SATB2: variants seen among roughly 807,000 people sequenced by gnomAD.
SATB2 encodes the protein DNA-binding protein SATB2.
In SATB2, 1 loss-of-function variant was observed where a neutral mutation model predicts 73.4. That is an observed-to-expected ratio of 0.01 (90% CI 0.00 to 0.06). The LOEUF is 0.06. Among genes scored for constraint, SATB2 ranks in the 10% least tolerant of loss-of-function variants. SATB2 has a pLI of 1.00. For synonymous variants in SATB2, 397 were observed against 367.0 expected, an observed-to-expected ratio of 1.08 and a Z score of -0.93; for missense variants, 459 against 945.8, an observed-to-expected ratio of 0.49 and a Z score of 6.75.
chr2:199,461,682 C>T (rs1398045179), upstream of SATB2, among the ~76,000 whole-genome samples: 1 of 152,194 alleles, frequency 6.6e-6, no homozygotes, highest in Non-Finnish European at 1.5e-5. Context: ...CTTTTCTTCA[C>T]CCACCTCCCA....
At chr2:199,321,221 T>C (rs1193024436) in intron 9 of SATB2, among the ~76,000 whole-genome samples, 1 of 152,030 alleles carries the variant, frequency 6.6e-6, no homozygotes, top group Non-Finnish European at 1.5e-5. Context: ...AAGAGAGATA[T>C]ATAAGTCTAT....
Position 199,270,338 on chromosome 2 carries a change from T to A in SATB2, c.*1873A>T, listed in dbSNP as rs1469925332. 1 of 152,482 alleles carries A rather than the reference T, an allele frequency of 6.6e-6. No individual in the cohort carries two copies. The highest frequency in any genetic ancestry group is 6.5e-5 in the Admixed American group (1 of 15,268). 9.4% of individuals were successfully genotyped at this position (152,482 alleles called of 1,614,324 possible). ...TGTCTTCTCCCTGTATATTGTAAGT[T>A]CTGAGTTAATATCTACACATAGAGG... On this transcript the variant is annotated 3_prime_UTR_variant, in exon 11 of 11. Coordinates refer to ENST00000417098, the MANE Select transcript of SATB2 (RefSeq NM_001172509.2).
At chr2:199,287,641 T>A (rs557888094) in intron 10 of SATB2, among the ~76,000 whole-genome samples, 1 of 152,262 alleles carries the variant, frequency 6.6e-6, no homozygotes, top group South Asian at 2.1e-4. Context: ...ATAAATTATG[T>A]AAGCTTCACT....
intron 6 of SATB2, among the ~76,000 whole-genome samples, chr2:199,350,232 G>A (rs1169660566): frequency 6.6e-6 from 1 of 151,912 alleles, no homozygotes; most frequent in South Asian, 2.1e-4. Context: ...TAAGAAGCTA[G>A]AGATCAAACA....
Position 199,270,659 on chromosome 2 carries a change from T to A in SATB2, c.*1552A>T, listed in dbSNP as rs181632768. On this transcript the variant is annotated 3_prime_UTR_variant, in exon 11 of 11. Coordinates refer to ENST00000417098, the MANE Select transcript of SATB2 (RefSeq NM_001172509.2). Reference sequence around the variant, plus strand: ...AAAGTAATGCTTCTGGTGTTTCTCATAGGAAGCCGAAAGAGATCTGGAGTA... The same window carrying A: ...AAAGTAATGCTTCTGGTGTTTCTCAAAGGAAGCCGAAAGAGATCTGGAGTA... 1 of 152,314 alleles carries A rather than the reference T, an allele frequency of 6.6e-6. No homozygotes were observed. Among genetic ancestry groups the A allele is most frequent in the Non-Finnish European group, 1.5e-5 (1 of 68,038 alleles). The allele number at this position is 152,314 out of a possible 1,614,324, so 9.4% of individuals were successfully genotyped here.
chr2:199,410,980 A>AT (rs900924857), intron 3 of SATB2, among the ~76,000 whole-genome samples: 44 of 151,834 alleles, frequency 2.9e-4, no homozygotes, highest in Admixed American at 8.5e-4. Flanking sequence ...GACACCTGGA[A>AT]TTTTTTTTTC....
intron 5 of SATB2, among the ~76,000 whole-genome samples, chr2:199,379,219 T>C (rs1055851389): frequency 6.6e-6 from 1 of 152,186 alleles, no homozygotes; most frequent in Non-Finnish European, 1.5e-5. Flanking sequence ...AGGCAGCCCT[T>C]TCCTCCACTG....
At chr2:199,345,752 A>G in intron 7 of SATB2, among the ~76,000 whole-genome samples, 1 of 152,162 alleles carries the variant, frequency 6.6e-6, no homozygotes, top group Non-Finnish European at 1.5e-5. Context: ...TAGCCTGCTA[A>G]ATGATATTCC....
chr2:199,389,775 ATTAT>A (rs1365770863), intron 3 of SATB2, among the ~76,000 whole-genome samples: 1 of 152,152 alleles, frequency 6.6e-6, no homozygotes, highest in Non-Finnish European at 1.5e-5. Context: ...CAAGAAGATT[ATTAT>A]TTAAAAATTA....
chr2:199,282,826 C>G (rs746568538), intron 10 of SATB2, among the ~76,000 whole-genome samples: 28 of 152,302 alleles, frequency 1.8e-4, no homozygotes, highest in Middle Eastern at 6.8e-3. Flanking sequence ...TTATTTCTTT[C>G]ACTCAAATAC....
chr2:199,282,791 T>C (rs1261454513), intron 10 of SATB2, among the ~76,000 whole-genome samples: 1 of 152,208 alleles, frequency 6.6e-6, no homozygotes, highest in Non-Finnish European at 1.5e-5. Flanking sequence ...GATCTACAAA[T>C]AGGCACATCT....
At chr2:199,311,279 A>T (rs897493520) in intron 9 of SATB2, among the ~76,000 whole-genome samples, 2 of 152,170 alleles carry the variant, frequency 1.3e-5, no homozygotes, top group East Asian at 1.9e-4. Context: ...AAGCACATTC[A>T]TGGTATTTAG....
At chr2:199,389,697 T>C (rs1177747137) in intron 3 of SATB2, among the ~76,000 whole-genome samples, 1 of 152,188 alleles carries the variant, frequency 6.6e-6, no homozygotes, top group Admixed American at 6.5e-5. Context: ...ACAAACAAAG[T>C]AGGTTTTACC....
intron 3 of SATB2, among the ~76,000 whole-genome samples, chr2:199,405,347 T>A (rs1689857040): frequency 6.6e-6 from 1 of 152,230 alleles, no homozygotes; most frequent in Non-Finnish European, 1.5e-5. Flanking sequence ...TTCTCAAAAC[T>A]TGGGGACATG....
chr2:199,276,919 G>A (rs1159988412), intron 10 of SATB2, among the ~76,000 whole-genome samples: 1 of 152,086 alleles, frequency 6.6e-6, no homozygotes, highest in African/African-American at 2.4e-5. Context: ...AACAACCCAA[G>A]TGTCTACCAA....
intron 2 of SATB2, among the ~76,000 whole-genome samples, chr2:199,442,037 T>C (rs1319000396): frequency 1.3e-5 from 2 of 152,008 alleles, no homozygotes; most frequent in Non-Finnish European, 2.9e-5. Context: ...AGGCCCACCG[T>C]TTTCCTCCTC....
intron 7 of SATB2, among the ~76,000 whole-genome samples, chr2:199,331,384 T>G (rs1401288857): frequency 1.3e-5 from 2 of 152,174 alleles, no homozygotes; most frequent in African/African-American, 4.8e-5. Flanking sequence ...TATTTGTATT[T>G]TTAAAGGGTG....
At position 199,333,759 on chromosome 2, in the gene SATB2, C is replaced by A. The variant is rs564735485; in HGVS notation, c.1174-4849G>T. ...ATCTGTTCAGCCTTTTTGTCACCTGCAACAAATTAGGCTTTCAATATGCAA... is the reference window on the plus strand; with the variant it reads ...ATCTGTTCAGCCTTTTTGTCACCTGAAACAAATTAGGCTTTCAATATGCAA... On this transcript the variant is annotated intron_variant, in intron 7 of 10. Transcript: ENST00000417098. 2.0e-5 allele frequency among the ~76,000 whole-genome samples: 3 copies of A among 152,190 alleles called. No individual in the cohort carries two copies. The South Asian group carries it at 6.2e-4, about 32-fold the overall frequency.
In SATB2 at chr2:199,320,241, A is replaced by T. The variant is rs1687848926; in HGVS notation, c.1542+3562T>A. ...CTTTACATTATGGCTTCTACTAAGA[A>T]CCCCTAACTCCTAATTCACAGAGAA... On this transcript the variant is annotated intron_variant, in intron 9 of 10. Transcript: ENST00000417098. 2.0e-5 allele frequency among the ~76,000 whole-genome samples: 3 copies of T among 152,122 alleles called. No homozygotes were observed. The South Asian group carries it at 6.2e-4, about 32-fold the overall frequency.
Sources: allele counts gnomAD v4.1 joint callset (sites outside exome capture counted in the v4.1 genomes callset), GRCh38; gene constraint gnomAD v4.1.1; transcripts MANE v1.5; gene names NCBI Gene and HGNC (gene_info 2026-07-23, HGNC 2026-07-21).